The following DNAH6 variants were observed in gnomAD, a reference collection of about 807,000 sequenced individuals.
DNAH6 encodes axonemal beta dynein heavy chain 6.
DNAH6 carries 340 observed loss-of-function variants against 491.4 expected under a neutral mutation model. The ratio of observed to expected loss-of-function variants is 0.69; its 90% CI spans 0.63 to 0.76. DNAH6 has a LOEUF of 0.76. Among genes scored for constraint, DNAH6 ranks in the 30% least tolerant of loss-of-function variants. DNAH6 has a pLI of 0.00. For missense variants in DNAH6, 4,443 were observed against 4,972.2 expected, an observed-to-expected ratio of 0.89 and a Z score of 3.20; for synonymous variants, 1,603 against 1,686.1, an observed-to-expected ratio of 0.95 and a Z score of 1.21.
At chr2:84,732,537 T>TATTATATA (rs1369405963) in intron 61 of DNAH6, among the ~76,000 whole-genome samples, 1 of 152,206 alleles carries the variant, frequency 6.6e-6, no homozygotes, top group African/African-American at 2.4e-5. Context: ...AAAGCCCACA[T>TATTATATA]ATTATATAAT....
At chr2:84,554,734 G>A (rs188526960) in intron 10 of DNAH6, among the ~76,000 whole-genome samples, 6 of 152,304 alleles carry the variant, frequency 3.9e-5, no homozygotes, top group South Asian at 2.1e-4. Context: ...TTGGAAGCTC[G>A]CTTAGGAGCT....
rs1553473260 is a variant in DNAH6 at position 84,708,482 on chromosome 2, G to GGA, written c.9048+767_9048+768insAG. ...AAAGAGAAAAAGAGAGAAAGGGGGG[G>GGA]GGGAGGGAGGGAGGGAGGAAGGAAG... On this transcript the variant is annotated intron_variant, in intron 54 of 76. Coordinates refer to ENST00000389394, the MANE Select transcript of DNAH6 (RefSeq NM_001370.2). 8.3e-3 allele frequency among the ~76,000 whole-genome samples: 837 copies of GGA among 101,048 alleles called. 23 individuals carry two copies. Among genetic ancestry groups the GGA allele is most frequent in the African/African-American group, 0.03 (766 of 25,212 alleles). 66.3% of individuals were successfully genotyped at this position (101,048 alleles called of 152,430 possible). A position where few individuals can be genotyped will look rare whatever the true frequency, so the allele number is the denominator to read the frequency against.
Position 84,586,377 on chromosome 2 carries a change from G to A in DNAH6, c.2481+2127G>A, listed in dbSNP as rs538405306. Among the ~76,000 whole-genome samples the A allele has an allele frequency of 4.9e-4, 75 of 152,314 alleles. 4 individuals carry two copies. In the South Asian group the frequency reaches 0.016, roughly 32 times the overall value. The stretch of plus-strand genomic sequence containing the variant: ...TGCAGCAGGCGTGTTGGCAGTGGCA[G>A]GCCATCTGGAGCGGGAATGTTATAA... On this transcript the variant is annotated intron_variant, in intron 15 of 76. Transcript: ENST00000389394.
At chr2:84,760,829 G>A (rs773156968) in intron 63 of DNAH6, among the ~76,000 whole-genome samples, 64 of 152,016 alleles carry the variant, frequency 4.2e-4, no homozygotes, top group Non-Finnish European at 7.6e-4. Context: ...CACTGCAATC[G>A]CAAATTTCTG....
At chr2:84,535,696 A>AAT (rs1420966763) in intron 4 of DNAH6, among the ~76,000 whole-genome samples, 1 of 151,838 alleles carries the variant, frequency 6.6e-6, no homozygotes, top group Non-Finnish European at 1.5e-5. Context: ...AAAAAAAAAA[A>AAT]AATCAGTAAC....
the DNAH6 span, among the ~76,000 whole-genome samples, chr2:84,478,073 G>A: frequency 6.6e-6 from 1 of 152,170 alleles, no homozygotes; most frequent in Non-Finnish European, 1.5e-5. Context: ...TAAGCCCTCA[G>A]GCCCCACTGT....
chr2:84,582,102 A>G (rs368681992), intron 14 of DNAH6, among the ~76,000 whole-genome samples: 5 of 152,246 alleles, frequency 3.3e-5, no homozygotes, highest in African/African-American at 1.2e-4. Context: ...TTAATTCTAT[A>G]CATAACTTGT....
At chr2:84,781,083 C>A (rs1474474017) in intron 64 of DNAH6, among the ~76,000 whole-genome samples, 1 of 152,050 alleles carries the variant, frequency 6.6e-6, no homozygotes, top group African/African-American at 2.4e-5. Context: ...ATGTATTTTT[C>A]TGTATATGTT....
At chr2:84,459,977 C>A in the DNAH6 span, 1 of 152,288 alleles carries the variant, frequency 6.6e-6, no homozygotes, top group Admixed American at 6.5e-5. Context: ...CCCTGAGGAT[C>A]CTAAGGGCTG....
chr2:84,521,790 C>T (rs868706906), intron 2 of DNAH6, among the ~76,000 whole-genome samples: 5 of 151,960 alleles, frequency 3.3e-5, no homozygotes, highest in Middle Eastern at 3.4e-3. Context: ...TGTACATGTG[C>T]GGCCTTATTT....
chr2:84,680,410 T>C (rs1318412873), intron 41 of DNAH6, among the ~76,000 whole-genome samples: 1 of 152,136 alleles, frequency 6.6e-6, no homozygotes, highest in Non-Finnish European at 1.5e-5. Flanking sequence ...TGTGATGTTA[T>C]GGATGAGAAG....
chr2:84,682,136 A>G (rs1012957757), intron 42 of DNAH6, among the ~76,000 whole-genome samples: 2 of 152,132 alleles, frequency 1.3e-5, no homozygotes, highest in Admixed American at 6.5e-5. Flanking sequence ...TCCCTTTACT[A>G]TACGTCAATC....
intron 16 of DNAH6, among the ~76,000 whole-genome samples, chr2:84,592,545 A>T (rs575377384): frequency 5.3e-5 from 8 of 152,290 alleles, no homozygotes; most frequent in African/African-American, 1.9e-4. Flanking sequence ...GTTCCTCAAA[A>T]CTTAAAAAAC....
intron 64 of DNAH6, among the ~76,000 whole-genome samples, chr2:84,774,006 T>C (rs1675888235): frequency 6.6e-6 from 1 of 152,092 alleles, no homozygotes; most frequent in Non-Finnish European, 1.5e-5. Flanking sequence ...TTTCTCCCAT[T>C]CTGTAGGTTG....
At chr2:84,557,370 G>A (rs1680140054) in intron 10 of DNAH6, among the ~76,000 whole-genome samples, 1 of 152,024 alleles carries the variant, frequency 6.6e-6, no homozygotes, top group South Asian at 2.1e-4. Flanking sequence ...TTATAGGCCG[G>A]GCGCGGTGGC....
intron 63 of DNAH6, among the ~76,000 whole-genome samples, chr2:84,761,674 C>T (rs947852390): frequency 6.6e-6 from 1 of 152,030 alleles, no homozygotes; most frequent in African/African-American, 2.4e-5. Flanking sequence ...AAGGAACAGG[C>T]ATGTGAACAC....
At chr2:84,544,021 C>T (rs1007028399) in intron 4 of DNAH6, among the ~76,000 whole-genome samples, 1 of 152,088 alleles carries the variant, frequency 6.6e-6, no homozygotes, top group African/African-American at 2.4e-5. Flanking sequence ...AATATTGCCA[C>T]AGTTGTGAAA....
Position 84,726,269 on chromosome 2 carries a change from G to A in DNAH6, c.9973-1400G>A, listed in dbSNP as rs72832549. 1.8e-3 allele frequency among the ~76,000 whole-genome samples: 267 copies of A among 152,256 alleles called. 1 individual carries two copies. The highest frequency in any genetic ancestry group is 3.3e-3 in the South Asian group (16 of 4,824). On this transcript the variant is annotated intron_variant, in intron 60 of 76. Transcript: ENST00000389394. ...CCATGAACAATATATCTTGATCCCA[G>A]GGATTGGGCAGGTACTACCTCACCT... is the stretch of plus-strand genomic sequence containing the variant.
intron 63 of DNAH6, among the ~76,000 whole-genome samples, chr2:84,753,491 C>T (rs10165951): frequency 6.6e-6 from 1 of 151,774 alleles, no homozygotes; most frequent in Non-Finnish European, 1.5e-5. Flanking sequence ...CCTATGTTTT[C>T]TTCTGAGAAT....
Sources: gnomAD v4.1 joint callset for allele counts (sites outside exome capture counted in the v4.1 genomes callset) on GRCh38, gnomAD v4.1.1 for gene constraint, MANE v1.5 for transcripts, NCBI Gene and HGNC (gene_info 2026-07-23, HGNC 2026-07-21) for gene names.